LAMA4: variants seen among roughly 807,000 people sequenced by gnomAD.
The protein encoded by LAMA4 is laminin subunit alpha 4, also known as laminin subunit alpha-4.
A neutral mutation model predicts 207.1 loss-of-function variants in LAMA4; 127 were observed. That is an observed-to-expected ratio of 0.61 (90% CI 0.53 to 0.71). The LOEUF (loss-of-function observed/expected upper bound fraction) is 0.71, where lower values mean the gene tolerates loss of function less well. LAMA4 is among the 30% of genes least tolerant of loss of function. LAMA4 has a pLI of 0.00. For synonymous variants in LAMA4, 761 were observed against 816.0 expected (o/e 0.93, Z 1.15); for missense variants, 2,093 against 2,246.5 (o/e 0.93, Z 1.38).
intron 9 of LAMA4, among the ~76,000 whole-genome samples, chr6:112,183,729 T>C (rs1350394048): frequency 6.6e-6 from 1 of 152,048 alleles, no homozygotes; most frequent in Non-Finnish European, 1.5e-5. Flanking sequence ...GGTGAGCTGA[T>C]CACCTGAGGT....
chr6:112,195,938 TACACACACAC>T (rs149514155), intron 5 of LAMA4, among the ~76,000 whole-genome samples: 9 of 147,338 alleles, frequency 6.1e-5, no homozygotes, highest in Admixed American at 3.4e-4. Flanking sequence ...ATGAACTAAG[TACACACACAC>T]ACACACACAC....
intron 14 of LAMA4, among the ~76,000 whole-genome samples, chr6:112,157,553 G>T (rs1780792906): frequency 2.0e-5 from 3 of 152,180 alleles, no homozygotes; most frequent in Non-Finnish European, 1.5e-5. Flanking sequence ...ACTTGAGGGT[G>T]ATTGATATTT....
At chr6:112,188,277 A>T (rs1695508406) in intron 7 of LAMA4, among the ~76,000 whole-genome samples, 2 of 152,196 alleles carry the variant, frequency 1.3e-5, no homozygotes, top group African/African-American at 4.8e-5. Context: ...ACATGGTTTT[A>T]CTTATAAGCT....
chr6:112,212,950 T>C (rs1427388718), intron 3 of LAMA4, among the ~76,000 whole-genome samples: 1 of 152,190 alleles, frequency 6.6e-6, no homozygotes, highest in African/African-American at 2.4e-5. Flanking sequence ...CTGCAGAAAC[T>C]GAGATGTAAT....
chr6:112,217,405 G>C (rs918073008), intron 2 of LAMA4, among the ~76,000 whole-genome samples: 1 of 152,150 alleles, frequency 6.6e-6, no homozygotes, highest in Admixed American at 6.6e-5. Flanking sequence ...AAGAATTCCA[G>C]ACAGATAAGA....
chr6:112,143,364 AACCTCC>A (rs1157417491), intron 19 of LAMA4, among the ~76,000 whole-genome samples: 1 of 149,528 alleles, frequency 6.7e-6, no homozygotes, highest in Non-Finnish European at 1.5e-5. Context: ...AGCTCACTGC[AACCTCC>A]ATCTCCCAGG....
intron 4 of LAMA4, among the ~76,000 whole-genome samples, chr6:112,202,862 C>T (rs1783838996): frequency 1.3e-5 from 2 of 152,166 alleles, no homozygotes; most frequent in African/African-American, 4.8e-5. Context: ...AGCAGCCTGC[C>T]CACGCTTGAA....
In LAMA4 at chr6:112,189,119, G is replaced by A. The variant is rs782773702; in HGVS notation, c.805C>T (p.Pro269Ser). 6.8e-6 allele frequency: 11 copies of A among 1,609,916 alleles called. No homozygotes were observed. Among genetic ancestry groups the A allele is most frequent in the Non-Finnish European group, 9.4e-6 (11 of 1,176,246 alleles). Residue 269 changes from proline (P) to serine (S), a missense_variant, in exon 7 of 39, where the codon CCA becomes TCA. Physicochemically the swap from Pro to Ser is moderately conservative, Grantham distance 74. Around this residue, in one of 3 missense-constraint regions of LAMA4, gnomAD observed 1,704 missense variants for 1,788.4 expected, o/e 0.95. Transcript: ENST00000230538. ...GTACTGTTATTTTTACTTATGGTTG[G>A]GCAGTCCATGCCTGTAGGGGGTTCA... ...GFEPPTGMDC[P>S]TISCDKCVWD...
chr6:112,173,497 T>A (rs1415458390), intron 11 of LAMA4, among the ~76,000 whole-genome samples: 2 of 152,198 alleles, frequency 1.3e-5, no homozygotes, highest in Admixed American at 1.3e-4. Flanking sequence ...GGAAAATGCA[T>A]TCTAGGTGGA....
At chr6:112,215,818 GA>G (rs1267341115) in intron 3 of LAMA4, among the ~76,000 whole-genome samples, 1 of 152,078 alleles carries the variant, frequency 6.6e-6, no homozygotes, top group Non-Finnish European at 1.5e-5. Flanking sequence ...TTCAGTTAAG[GA>G]AAAAAATAGT....
At position 112,117,934 on chromosome 6, in the gene LAMA4, T is replaced by G; in HGVS notation, c.4822-36A>C. On this transcript the variant is annotated intron_variant, in intron 34 of 38. Coordinates refer to ENST00000230538, the MANE Select transcript of LAMA4 (RefSeq NM_001105206.3). The surrounding 1 kb of genome is among the most constrained non-coding windows in gnomAD (Gnocchi z 4.5). ...AAGATATTTCTTAAAATCAATTTTC[T>G]CAACACAAATGCACCAAGGGGAAGC... is the stretch of plus-strand genomic sequence containing the variant. 6.3e-7 allele frequency: 1 copy of G among 1,592,116 alleles called. No homozygotes were observed. Among genetic ancestry groups the G allele is most frequent in the Non-Finnish European group, 8.6e-7 (1 of 1,161,396 alleles).
At chr6:112,221,763 C>T (rs1226025379) in intron 2 of LAMA4, among the ~76,000 whole-genome samples, 1 of 152,136 alleles carries the variant, frequency 6.6e-6, no homozygotes, top group Non-Finnish European at 1.5e-5. Flanking sequence ...ATGCTGACTT[C>T]CATCTGCCTA....
At position 112,207,104 on chromosome 6, in the gene LAMA4, A is replaced by G; in HGVS notation, c.339T>C (p.Cys113=). The G allele has an allele frequency of 6.2e-7, 1 of 1,614,010 alleles. No individual in the cohort carries two copies. Among genetic ancestry groups the G allele is most frequent in the Non-Finnish European group, 8.5e-7 (1 of 1,179,934 alleles). ...RNTTGEHCEK[C]LDGYIGDSIR... ...TGGAATCTCCGATATAACCATCCAG[A>G]CACTTTTCACAGTGCTCTCCTGTTG... is the stretch of plus-strand genomic sequence containing the variant. Residue 113 remains cysteine, a synonymous_variant, in exon 4 of 39, where the codon TGT becomes TGC. Transcript: ENST00000230538.
chr6:112,185,727 T>C (rs1782646879), intron 8 of LAMA4, among the ~76,000 whole-genome samples: 1 of 152,240 alleles, frequency 6.6e-6, no homozygotes, highest in Admixed American at 6.5e-5. Flanking sequence ...TCAGTATTGA[T>C]GTAAATGGAG....
At chr6:112,241,140 T>TATATATGAATATATATATGA (rs1554187578) in intron 2 of LAMA4, among the ~76,000 whole-genome samples, 2 of 68,426 alleles carry the variant, frequency 2.9e-5, no homozygotes, top group South Asian at 4.3e-4. Context: ...TATATAGGAA[T>TATATATGAATATATATATGA]ATATATATGA....
intron 7 of LAMA4, chr6:112,188,823 C>A (rs1266296823): frequency 2.7e-6 from 1 of 369,092 alleles, no homozygotes; most frequent in Non-Finnish European, 5.1e-6. Context: ...AGCTCTGTCA[C>A]TGGGAGTTGT....
At chr6:112,179,754 T>C in intron 9 of LAMA4, 2 of 279,926 alleles carry the variant, frequency 7.1e-6, no homozygotes, top group Middle Eastern at 4.4e-4. Flanking sequence ...AACAAACACA[T>C]GCCCAGAGGC....
At chr6:112,200,056 G>T in intron 5 of LAMA4, 2 of 524,116 alleles carry the variant, frequency 3.8e-6, no homozygotes, top group Non-Finnish European at 7.8e-6. Context: ...CTGTCTGAGA[G>T]ACTCTTTGAG....
intron 12 of LAMA4, 78 bp from the exon 13 acceptor site, chr6:112,165,354 C>T (rs1334718573): frequency 3.3e-5 from 32 of 957,574 alleles, no homozygotes; most frequent in Non-Finnish European, 5.5e-5. Flanking sequence ...TAAATGTCAA[C>T]TTGCTCTCTT....
Sources: gnomAD v4.1 joint callset for allele counts (sites outside exome capture counted in the v4.1 genomes callset) on GRCh38, gnomAD v4.1.1 for gene constraint, gnomAD v4.1.1 regional missense constraint, Gnocchi (gnomAD v3.1) non-coding constraint, MANE v1.5 for transcripts, NCBI Gene and HGNC (gene_info 2026-07-23, HGNC 2026-07-21) for gene names.